Variants in GPC3 observed in about 807,000 individuals in gnomAD.
GPC3 encodes glypican 3, also known as glypican-3.
Under a neutral mutation model 34.4 loss-of-function variants are expected in GPC3, and 3 were observed. That is an observed-to-expected ratio of 0.09 (90% CI 0.04 to 0.23). The LOEUF (loss-of-function observed/expected upper bound fraction) is 0.23. Among genes scored for constraint, GPC3 ranks in the 10% least tolerant of loss-of-function variants. The probability of loss-of-function intolerance (pLI) is 1.00; values close to 1 mark genes in which losing one functional copy is unlikely to be tolerated. For missense variants in GPC3, 351 were observed against 445.6 expected, an observed-to-expected ratio of 0.79 and a Z score of 1.91; for synonymous variants, 177 against 174.0, an observed-to-expected ratio of 1.02 and a Z score of -0.13.
At chrX:133,671,682 C>CT (rs1389395787) in intron 5 of GPC3, among the ~76,000 whole-genome samples, 1 of 111,695 alleles carries the variant, frequency 9.0e-6, no homozygotes, top group Non-Finnish European at 1.9e-5. Flanking sequence ...TTTTTCTTTT[C>CT]TTTTTTTATT....
intron 2 of GPC3, among the ~76,000 whole-genome samples, chrX:133,797,570 G>A: frequency 9.0e-6 from 1 of 111,338 alleles, no homozygotes; most frequent in African/African-American, 3.3e-5. Flanking sequence ...TGGCTCCACT[G>A]GTAATACCAG....
chrX:133,681,110 G>GT (rs758000886), intron 5 of GPC3, among the ~76,000 whole-genome samples: 29 of 111,901 alleles, frequency 2.6e-4, no homozygotes, highest in Non-Finnish European at 3.8e-4. Flanking sequence ...TTTTTTATAG[G>GT]TTTTTTTGAA....
intron 3 of GPC3, among the ~76,000 whole-genome samples, chrX:133,738,624 T>A (rs1039869105): frequency 8.9e-6 from 1 of 111,732 alleles, no homozygotes; most frequent in African/African-American, 3.3e-5. Context: ...CAATTCACAC[T>A]CCAAAACAAA....
intron 6 of GPC3, among the ~76,000 whole-genome samples, chrX:133,615,208 C>T (rs1280975695): frequency 1.8e-5 from 2 of 111,250 alleles, no homozygotes; most frequent in East Asian, 5.7e-4. Context: ...GTCAGTGCTA[C>T]CCTAACACTA....
rs2071812530 is a variant in GPC3, at chrX:133,763,153, C to T, written c.338-8977G>A. 1.1e-5 allele frequency: 8 copies of T among 733,915 alleles called. No individual in the cohort carries two copies. The Admixed American group carries it at 1.8e-4, about 16-fold the overall frequency. The allele number at this position is 733,915 out of a possible 1,213,427, so 60.5% of individuals were successfully genotyped here. A position where few individuals can be genotyped will look rare whatever the true frequency, so the allele number is the denominator to read the frequency against. Reference sequence around the variant, plus strand: ...GATCCAGGCAGCCTTTCAGGAGCCGCAGCTTCTTGTGGTTACTGACCCCAG... The same window carrying T: ...GATCCAGGCAGCCTTTCAGGAGCCGTAGCTTCTTGTGGTTACTGACCCCAG... On this transcript the variant is annotated intron_variant, in intron 2 of 7. Coordinates refer to ENST00000370818, the MANE Select transcript of GPC3 (RefSeq NM_004484.4).
rs10633635 is a variant in GPC3 at position 133,776,878 on chromosome X, C to CTTTTT, written c.338-22707_338-22703dup. 7.3e-4 allele frequency among the ~76,000 whole-genome samples: 58 copies of CTTTTT among 79,596 alleles called. 2 individuals are homozygous for CTTTTT. Among genetic ancestry groups the CTTTTT allele is most frequent in the South Asian group, 1.4e-3 (2 of 1,427 alleles). The allele number at this position is 79,596 out of a possible 115,157, so 69.1% of individuals were successfully genotyped here. A position where few individuals can be genotyped will look rare whatever the true frequency, so the allele number is the denominator to read the frequency against. On this transcript the variant is annotated intron_variant, in intron 2 of 7. Coordinates refer to ENST00000370818, the MANE Select transcript of GPC3 (RefSeq NM_004484.4). ...AGGAAGTAGTCACGTCCTTTCTTTT[C>CTTTTT]TTTTTTTTTTTTTTTTTTTGAGATG...
At position 133,544,560 on chromosome X, in the gene GPC3, T is replaced by C. The variant is rs2069367041; in HGVS notation, c.1574-8267A>G. Among the ~76,000 whole-genome samples the C allele has an allele frequency of 1.8e-5, 2 of 111,693 alleles. 1 individual carries two copies. The highest frequency in any genetic ancestry group is 1.9e-4 in the Admixed American group (2 of 10,531). On this transcript the variant is annotated intron_variant, in intron 7 of 7. Transcript: ENST00000370818. ...ATACTTACTATTTATAGAGATGGGG[T>C]CTCACTCTGTTTCCCAGTGCAGTGG...
At chrX:133,677,478 A>G (rs1039647524) in intron 5 of GPC3, among the ~76,000 whole-genome samples, 1 of 112,267 alleles carries the variant, frequency 8.9e-6, no homozygotes, top group African/African-American at 3.2e-5. Context: ...TTATTTTATA[A>G]GTAAAAGAAA....
At chrX:133,556,875 A>G (rs1485357319) in intron 7 of GPC3, among the ~76,000 whole-genome samples, 6 of 108,297 alleles carry the variant, frequency 5.5e-5, no homozygotes. Flanking sequence ...TACATATGTA[A>G]CAAACCTGCA....
At chrX:133,830,254 A>G (rs1044007715) in intron 2 of GPC3, among the ~76,000 whole-genome samples, 4 of 112,106 alleles carry the variant, frequency 3.6e-5, no homozygotes, top group Non-Finnish European at 7.5e-5. Flanking sequence ...TGAGTTTAAT[A>G]AAGGCTTGAA....
intron 2 of GPC3, among the ~76,000 whole-genome samples, chrX:133,804,352 C>T (rs994450979): frequency 3.6e-5 from 4 of 110,821 alleles, no homozygotes; most frequent in African/African-American, 1.3e-4. Flanking sequence ...GAATCAGAAT[C>T]TCCAAAGGCA....
chrX:133,873,395 T>C (rs954446787), intron 2 of GPC3, among the ~76,000 whole-genome samples: 1 of 111,975 alleles, frequency 8.9e-6, no homozygotes, highest in African/African-American at 3.2e-5. Flanking sequence ...CCAATATATA[T>C]ATTCCACATC....
chrX:133,746,821 G>GA (rs2071617744), intron 3 of GPC3, among the ~76,000 whole-genome samples: 1 of 111,857 alleles, frequency 8.9e-6, no homozygotes, highest in Non-Finnish European at 1.9e-5. Flanking sequence ...ATCTGAGACT[G>GA]AAAAATGAAA....
intron 2 of GPC3, among the ~76,000 whole-genome samples, chrX:133,803,978 C>CCACACACA (rs10571712): frequency 1.1e-5 from 1 of 94,295 alleles, no homozygotes; most frequent in African/African-American, 3.9e-5. Flanking sequence ...TGAGATAAAT[C>CCACACACA]CACACACACA....
rs1354435731 is a variant in GPC3 at position 133,759,722 on chromosome X, A to G, written c.338-5546T>C. 2.7e-5 allele frequency among the ~76,000 whole-genome samples: 3 copies of G among 112,129 alleles called. No individual in the cohort carries two copies. In the Admixed American group the frequency reaches 2.8e-4, roughly 11 times the overall value. On this transcript the variant is annotated intron_variant, in intron 2 of 7. Transcript: ENST00000370818. Reference sequence around the variant, plus strand: ...GTTTAGCAGTAAGTTTTTAGATATAACAGTAAAAGCACAATCTATGAAGTT... The same window carrying G: ...GTTTAGCAGTAAGTTTTTAGATATAGCAGTAAAAGCACAATCTATGAAGTT...
At chrX:133,881,918 C>T (rs2076043280) in intron 2 of GPC3, among the ~76,000 whole-genome samples, 1 of 112,514 alleles carries the variant, frequency 8.9e-6, no homozygotes, top group Admixed American at 9.4e-5. Context: ...ATGAAACAGG[C>T]TAGAAAATCT....
At position 133,858,149 on chromosome X, in the gene GPC3, T is replaced by G. The variant is rs756060398; in HGVS notation, c.337+94901A>C. 9.0e-5 allele frequency among the ~76,000 whole-genome samples: 10 copies of G among 111,647 alleles called. No individual in the cohort carries two copies. The South Asian group carries it at 3.8e-3, about 42-fold the overall frequency. ...GCTAAAGGAGTGTCTTGCCATTATC[T>G]GGAGAAATTTCCGAACTATCACTAA... On this transcript the variant is annotated intron_variant, in intron 2 of 7. Transcript: ENST00000370818.
intron 2 of GPC3, among the ~76,000 whole-genome samples, chrX:133,928,148 T>C (rs1249174051): frequency 9.0e-6 from 1 of 111,066 alleles, no homozygotes; most frequent in Non-Finnish European, 1.9e-5. Flanking sequence ...TGTTTTATTC[T>C]CTATCTCTGT....
In GPC3 at chrX:133,919,286, C is replaced by T. The variant is rs112641150; in HGVS notation, c.337+33764G>A. ...TCCAACTCCAGTAGGTAGTGATTCC[C>T]TAAACTTCAACTTTCACTTGTTTTC... On this transcript the variant is annotated intron_variant, in intron 2 of 7. Coordinates refer to ENST00000370818, the MANE Select transcript of GPC3 (RefSeq NM_004484.4). 2.0e-4 allele frequency among the ~76,000 whole-genome samples: 22 copies of T among 112,048 alleles called. No homozygotes were observed. The East Asian group carries it at 2.5e-3, about 13-fold the overall frequency.
Sources: allele counts gnomAD v4.1 joint callset (sites outside exome capture counted in the v4.1 genomes callset), GRCh38; gene constraint gnomAD v4.1.1; transcripts MANE v1.5; gene names NCBI Gene and HGNC (gene_info 2026-07-23, HGNC 2026-07-21).